LIG1: variants seen among roughly 807,000 people sequenced by gnomAD.
The protein encoded by LIG1 is DNA ligase 1, also known as ligase I, DNA, ATP-dependent.
Under a neutral mutation model 115.7 loss-of-function variants are expected in LIG1, and 70 were observed. That is an observed-to-expected ratio of 0.60 (90% CI 0.50 to 0.74). LIG1 has a LOEUF of 0.74. Among genes scored for constraint, LIG1 ranks in the 30% least tolerant of loss-of-function variants. LIG1 has a pLI of 0.00. For missense variants in LIG1, 1,115 were observed against 1,225.6 expected, an observed-to-expected ratio of 0.91 and a Z score of 1.35; for synonymous variants, 487 against 495.3, an observed-to-expected ratio of 0.98 and a Z score of 0.22.
At chr19:48,167,839 A>C (rs796571648) in intron 1 of LIG1, among the ~76,000 whole-genome samples, 5 of 146,870 alleles carry the variant, frequency 3.4e-5, no homozygotes, top group African/African-American at 1.3e-4. Flanking sequence ...AAAAAAAAAA[A>C]AAAAAAAAAA....
chr19:48,169,473 A>G (rs1303646400), intron 1 of LIG1: 4 of 152,302 alleles, frequency 2.6e-5, no homozygotes, highest in Admixed American at 6.5e-5. Context: ...ATCTATAATT[A>G]TTTCAAAATA....
At chr19:48,133,831 T>C in intron 17 of LIG1, 150 bp downstream of exon 17, 1 of 693,286 alleles carries the variant, frequency 1.4e-6, no homozygotes, top group East Asian at 2.8e-5. Flanking sequence ...AGAAAAGCAG[T>C]GGGTTTCAGC....
chr19:48,135,891 G>GCGCCCCCCCCCC, intron 15 of LIG1, 112 bp from the exon 16 acceptor site: 2 of 928,690 alleles, frequency 2.2e-6, no homozygotes, highest in East Asian at 2.8e-5. Context: ...GGCCCAAGAC[G>GCGCCCCCCCCCC]CCCCCTCCCC....
chr19:48,116,029 C>A, intron 26 of LIG1, 64 bp from the exon 27 acceptor site: 2 of 1,158,458 alleles, frequency 1.7e-6, no homozygotes, highest in East Asian at 2.5e-5. Context: ...AGTCTCCTCC[C>A]TCCTCCACTC....
chr19:48,167,357 G>T (rs1457798294), intron 1 of LIG1, among the ~76,000 whole-genome samples: 2 of 151,970 alleles, frequency 1.3e-5, no homozygotes, highest in Non-Finnish European at 2.9e-5. Context: ...AACAGAAATG[G>T]TTTTCTTTGA....
At chr19:48,155,592 C>T (rs2035782770) in intron 5 of LIG1, among the ~76,000 whole-genome samples, 1 of 152,134 alleles carries the variant, frequency 6.6e-6, no homozygotes, top group Admixed American at 6.6e-5. Flanking sequence ...ATCTGGCAAG[C>T]CACGTATGTA....
chr19:48,117,696 C>T lies in LIG1; in HGVS notation c.2525G>A (p.Trp842Ter). The change falls in exon 26 of 28, where the codon TGG (tryptophan) becomes TAG (stop). Residue 842 changes from tryptophan to a stop codon, truncating the protein, a stop_gained. Coordinates refer to ENST00000263274, the MANE Select transcript of LIG1 (RefSeq NM_000234.3). LOFTEE classifies it high-confidence loss of function. Reference protein sequence around the residue: ...PDHWLDPSAVWEVKCADLSLS... With the variant: ...PDHWLDPSAV ...GGAGAGGTCAGCGCACTTCACCTCCCACACAGCGCTGGGGTCCAGCCAGTG... is the reference window on the plus strand; with the variant it reads ...GGAGAGGTCAGCGCACTTCACCTCCTACACAGCGCTGGGGTCCAGCCAGTG... 1 of 1,612,618 alleles carries T rather than the reference C, an allele frequency of 6.2e-7. No homozygotes were observed. The highest frequency in any genetic ancestry group is 8.5e-7 in the Non-Finnish European group (1 of 1,179,650).
chr19:48,170,083 C>T, intron 1 of LIG1, 158 bp downstream of exon 1: 1 of 405,808 alleles, frequency 2.5e-6, no homozygotes, highest in Non-Finnish European at 5.0e-6. Flanking sequence ...CGGCGGCCCG[C>T]AGCCCGCGCT....
intron 11 of LIG1, 65 bp from the exon 12 acceptor site, chr19:48,140,208 G>A (rs999737701): frequency 1.5e-6 from 2 of 1,317,338 alleles, no homozygotes; most frequent in African/African-American, 1.4e-5. Context: ...GTCGGGGTGG[G>A]GTGGGTTTAA....
At chr19:48,158,916 T>G (rs548730719) in intron 4 of LIG1, among the ~76,000 whole-genome samples, 1 of 152,172 alleles carries the variant, frequency 6.6e-6, no homozygotes, top group Non-Finnish European at 1.5e-5. Flanking sequence ...CACCCCACAG[T>G]TGCTACCTCC....
At chr19:48,147,147 G>A (rs1250489903) in intron 9 of LIG1, 1 of 152,200 alleles carries the variant, frequency 6.6e-6, no homozygotes. Context: ...TGTTTCATTT[G>A]TAGAGGCGTG....
In LIG1 at chr19:48,137,707, G is replaced by T; in HGVS notation, c.1088-19C>A. The T allele has an allele frequency of 6.2e-7, 1 of 1,600,660 alleles. No individual in the cohort carries two copies. The highest frequency in any genetic ancestry group is 8.5e-7 in the Non-Finnish European group (1 of 1,179,576). ...TGCCGACCTTCAGGGGAGAGCGCGGGTGGGGGTGTCGAGGGTGACAGTTGT... is the reference window on the plus strand; with the variant it reads ...TGCCGACCTTCAGGGGAGAGCGCGGTTGGGGGTGTCGAGGGTGACAGTTGT... On this transcript the variant is annotated intron_variant, in intron 12 of 27. Coordinates refer to ENST00000263274, the MANE Select transcript of LIG1 (RefSeq NM_000234.3). This position sits in a 1 kb window ranked among gnomAD's most constrained non-coding sequence, Gnocchi z 4.3.
At chr19:48,141,812 C>G (rs2034775421) in intron 11 of LIG1, among the ~76,000 whole-genome samples, 1 of 152,150 alleles carries the variant, frequency 6.6e-6, no homozygotes, top group Non-Finnish European at 1.5e-5. Context: ...TCAGGGAAAT[C>G]CCTCAGTAAT....
intron 2 of LIG1, among the ~76,000 whole-genome samples, chr19:48,165,036 G>A (rs959568394): frequency 2.6e-5 from 4 of 152,310 alleles, no homozygotes; most frequent in African/African-American, 7.2e-5. Flanking sequence ...CGAGGTGGGC[G>A]GATCACGAGG....
Position 48,135,487 on chromosome 19 carries a change from T to G in LIG1, c.1523+193A>C, listed in dbSNP as rs1039191280. ...CCTTCACTGTTTGCCACCTTCCTGATCTTTGTCACCATCCTTGTGTCAAGC... is the reference window on the plus strand; with the variant it reads ...CCTTCACTGTTTGCCACCTTCCTGAGCTTTGTCACCATCCTTGTGTCAAGC... On this transcript the variant is annotated intron_variant, in intron 16 of 27. Coordinates refer to ENST00000263274, the MANE Select transcript of LIG1 (RefSeq NM_000234.3). 3.9e-5 allele frequency among the ~76,000 whole-genome samples: 6 copies of G among 152,144 alleles called. No homozygotes were observed. The East Asian group carries it at 1.2e-3, about 29-fold the overall frequency.
chr19:48,148,348 A>G (rs6509360), intron 9 of LIG1, among the ~76,000 whole-genome samples: 45,959 of 151,868 alleles, frequency 0.3, 9,560 homozygotes, highest in African/African-American at 0.6. Context: ...GTGGCGAGGC[A>G]CCTGTAATTC....
At chr19:48,134,211 CCT>C (rs2034232553) in intron 16 of LIG1, 145 bp from the exon 17 acceptor site, 3 of 694,724 alleles carry the variant, frequency 4.3e-6, no homozygotes, top group South Asian at 3.4e-5. Flanking sequence ...CTCTTGCCAC[CCT>C]GTCTCTGTGC....
chr19:48,166,556 T>C (rs762983632), intron 1 of LIG1, among the ~76,000 whole-genome samples: 2 of 152,104 alleles, frequency 1.3e-5, no homozygotes, highest in African/African-American at 2.4e-5. Flanking sequence ...GGCAGAACAA[T>C]TGGAATACGT....
At chr19:48,123,616 T>TTTTTTG (rs1301344297) in intron 21 of LIG1, 4 of 457,920 alleles carry the variant, frequency 8.7e-6, no homozygotes, top group African/African-American at 5.9e-5. Flanking sequence ...ATCAGTTTTG[T>TTTTTTG]TTTTTGTTTT....
Sources: allele counts gnomAD v4.1 joint callset (sites outside exome capture counted in the v4.1 genomes callset), GRCh38; gene constraint gnomAD v4.1.1; non-coding constraint Gnocchi (gnomAD v3.1); transcripts MANE v1.5; gene names NCBI Gene and HGNC (gene_info 2026-07-23, HGNC 2026-07-21).